DIP2A: variants seen among roughly 807,000 people sequenced by gnomAD.
DIP2A encodes the protein disco-interacting protein 2 homolog A.
DIP2A carries 85 observed loss-of-function variants against 177.4 expected under a neutral mutation model. That is an observed-to-expected ratio of 0.48 (90% CI 0.40 to 0.57). The LOEUF (loss-of-function observed/expected upper bound fraction) is 0.57. DIP2A is among the 20% of genes least tolerant of loss of function. DIP2A has a pLI of 0.00. For synonymous variants in DIP2A, 886 were observed against 881.8 expected (o/e 1.00, Z -0.08); for missense variants, 1,791 against 2,100.2 (o/e 0.85, Z 2.88).
At chr21:46,470,945 AAAG>A (rs1293305027) in intron 1 of DIP2A, among the ~76,000 whole-genome samples, 7 of 151,972 alleles carry the variant, frequency 4.6e-5, no homozygotes, top group Admixed American at 2.0e-4. Flanking sequence ...AAAAAAAAAA[AAAG>A]AATTCATATT....
At position 46,458,978 on chromosome 21, in the gene DIP2A, C is replaced by T. The variant is rs1327658253; in HGVS notation, c.-154C>T. 3 of 521,146 alleles carry T rather than the reference C, an allele frequency of 5.8e-6. No homozygotes were observed. The allele number at this position is 521,146 out of a possible 1,614,324, so 32.3% of individuals were successfully genotyped here. A position where few individuals can be genotyped will look rare whatever the true frequency, so the allele number is the denominator to read the frequency against. ...CGCTCGTGCCCGCGCGGGTGCGTTG[C>T]TGTCCTGGCCGCGCCCCTGTCCCGC... On this transcript the variant is annotated 5_prime_UTR_variant, in exon 1 of 38. Transcript: ENST00000417564.
Position 46,547,061 on chromosome 21 carries a change from C to T in DIP2A, c.2522+19C>T, listed in dbSNP as rs1445057064. 1.9e-6 allele frequency: 3 copies of T among 1,609,504 alleles called. No individual in the cohort carries two copies. Among genetic ancestry groups the T allele is most frequent in the Admixed American group, 1.7e-5 (1 of 59,906 alleles). ...GAGGCAGGTGATGCGCTGCGGACCC[C>T]CACGCCGGGAGTAGATTCCTTCATT... On this transcript the variant is annotated intron_variant, in intron 21 of 37. Coordinates refer to ENST00000417564, the MANE Select transcript of DIP2A (RefSeq NM_015151.4).
rs1217641902 is a variant in DIP2A at position 46,498,654 on chromosome 21, G to A, written c.476G>A (p.Ser159Asn). The change falls in exon 5 of 38, where the codon AGC (serine) becomes AAC (asparagine). Residue 159 changes from serine to asparagine, a missense_variant. Physicochemically the swap from Ser to Asn is conservative, Grantham distance 46. Transcript: ENST00000417564. The surrounding 1 kb of genome is among the most constrained non-coding windows in gnomAD (Gnocchi z 4.3). ...CGACTCACCTCCACTCCGCTCCAGAGCCATTCCAGCGTCGAGCCCTGGCTC... is the reference window on the plus strand; with the variant it reads ...CGACTCACCTCCACTCCGCTCCAGAACCATTCCAGCGTCGAGCCCTGGCTC... ...PGRLTSTPLQ[S>N]HSSVEPWLDR... 1 of 1,613,686 alleles carries A rather than the reference G, an allele frequency of 6.2e-7. No homozygotes were observed. Among genetic ancestry groups the A allele is most frequent in the Non-Finnish European group, 8.5e-7 (1 of 1,179,864 alleles).
downstream of DIP2A, among the ~76,000 whole-genome samples, chr21:46,574,397 TAAC>T (rs928087138): frequency 9.2e-5 from 14 of 152,008 alleles, no homozygotes; most frequent in African/African-American, 2.7e-4. Context: ...GACCTCAAAT[TAAC>T]AAACTAACAT....
intron 1 of DIP2A, among the ~76,000 whole-genome samples, chr21:46,473,945 C>T (rs1469976882): frequency 1.3e-5 from 2 of 152,190 alleles, no homozygotes; most frequent in East Asian, 3.8e-4. Flanking sequence ...CTTTCTGTCT[C>T]CCTCTTTGAT....
intron 35 of DIP2A, among the ~76,000 whole-genome samples, chr21:46,565,250 G>C (rs1285909291): frequency 6.6e-6 from 1 of 152,260 alleles, no homozygotes; most frequent in South Asian, 2.1e-4. Context: ...ACACACGCGC[G>C]TGGGGCTGAC....
intron 6 of DIP2A, among the ~76,000 whole-genome samples, chr21:46,507,827 A>G (rs1294375610): frequency 6.6e-6 from 1 of 150,610 alleles, no homozygotes; most frequent in East Asian, 1.9e-4. Context: ...TAGCCTCCCA[A>G]GTAGCTGGAA....
At chr21:46,482,922 A>G (rs192316784) in intron 1 of DIP2A, among the ~76,000 whole-genome samples, 53 of 152,334 alleles carry the variant, frequency 3.5e-4, no homozygotes, top group African/African-American at 1.2e-3. Flanking sequence ...AACCTTAAAA[A>G]GTTGTGCACA....
At chr21:46,478,420 C>T (rs142626935) in intron 1 of DIP2A, among the ~76,000 whole-genome samples, 6,292 of 152,168 alleles carry the variant, frequency 0.041, 194 homozygotes, top group Non-Finnish European at 0.062. Flanking sequence ...CCATGTTGGT[C>T]AGGCTGGTCT....
At chr21:46,477,570 T>TG (rs1180881454) in intron 1 of DIP2A, among the ~76,000 whole-genome samples, 30,331 of 125,250 alleles carry the variant, frequency 0.24, 4,756 homozygotes, top group Non-Finnish European at 0.29. Flanking sequence ...TGTGTGTGTA[T>TG]TTCTTTTTTT....
chr21:46,493,552 G>T (rs2057142485), intron 3 of DIP2A, among the ~76,000 whole-genome samples: 1 of 132,556 alleles, frequency 7.5e-6, no homozygotes, highest in African/African-American at 2.6e-5. Flanking sequence ...TAAAATTCTA[G>T]GTTTAACACT....
intron 8 of DIP2A, among the ~76,000 whole-genome samples, chr21:46,514,425 G>A (rs2058456085): frequency 7.2e-6 from 1 of 139,804 alleles, no homozygotes; most frequent in Admixed American, 7.5e-5. Context: ...GACAGAGCAA[G>A]ACTCCATCTC....
intron 1 of DIP2A, among the ~76,000 whole-genome samples, chr21:46,479,635 C>G (rs972912516): frequency 4.6e-5 from 7 of 152,192 alleles, no homozygotes; most frequent in Non-Finnish European, 7.3e-5. Flanking sequence ...AAGCAATCTT[C>G]TCACCTCAGC....
At position 46,565,721 on chromosome 21, in the gene DIP2A, A is replaced by G. The variant is rs373957652; in HGVS notation, c.4173A>G (p.Val1391=). The change falls in exon 36 of 38, where the codon GTA becomes GTG. Residue 1391 remains valine, a synonymous_variant. Transcript: ENST00000417564. The stretch of plus-strand genomic sequence containing the variant: ...TCCTCTGGGCCCACCAGATCTGGGT[A>G]AGCAGCCCCCACAATGCCACCGGGT... ...LGDSHLGEIW[V]SSPHNATGYY... 10 of 1,612,664 alleles carry G rather than the reference A, an allele frequency of 6.2e-6. No homozygotes were observed. The highest frequency in any genetic ancestry group is 1.3e-5 in the African/African-American group (1 of 74,546).
At chr21:46,546,178 G>A (rs763574892) in intron 20 of DIP2A, 11 of 1,330,282 alleles carry the variant, frequency 8.3e-6, no homozygotes, top group South Asian at 4.5e-5. Context: ...GGCCTGAGTC[G>A]GGGGTCCCCG....
chr21:46,465,609 G>A (rs1258846103), intron 1 of DIP2A, among the ~76,000 whole-genome samples: 3 of 152,034 alleles, frequency 2.0e-5, no homozygotes, highest in Admixed American at 1.3e-4. Flanking sequence ...AAACTGCTGG[G>A]CACTTTAACG....
intron 8 of DIP2A, among the ~76,000 whole-genome samples, chr21:46,517,567 G>A (rs1384469795): frequency 6.6e-6 from 1 of 152,216 alleles, no homozygotes; most frequent in South Asian, 2.1e-4. Context: ...CCAGTGCCTG[G>A]TGTGTCCATG....
At chr21:46,554,148 G>A (rs2060370113) in intron 25 of DIP2A, 21 bp from the exon 26 acceptor site, 7 of 1,610,420 alleles carry the variant, frequency 4.3e-6, no homozygotes, top group East Asian at 4.5e-5. Context: ...ATACAGATGA[G>A]CTCAAAGATC....
In DIP2A at chr21:46,569,997, T is replaced by A. The variant is rs2060936579; in HGVS notation, c.*2375T>A. 6.6e-6 allele frequency: 1 copy of A among 152,264 alleles called. No individual in the cohort carries two copies. Among genetic ancestry groups the A allele is most frequent in the South Asian group, 2.1e-4 (1 of 4,836 alleles). 9.4% of individuals were successfully genotyped at this position (152,264 alleles called of 1,614,324 possible). ...ATAATTTGCTTTTGTACTTAATAAA[T>A]TATAGACTTTAAAATCTATTACATA... On this transcript the variant is annotated 3_prime_UTR_variant, in exon 38 of 38. Transcript: ENST00000417564.
Sources: gnomAD v4.1 joint callset for allele counts (sites outside exome capture counted in the v4.1 genomes callset) on GRCh38, gnomAD v4.1.1 for gene constraint, Gnocchi (gnomAD v3.1) non-coding constraint, MANE v1.5 for transcripts, NCBI Gene and HGNC (gene_info 2026-07-23, HGNC 2026-07-21) for gene names.